Variants in UNC5D observed in about 807,000 individuals in gnomAD.
UNC5D encodes the protein unc-5 netrin receptor D.
UNC5D carries 39 observed loss-of-function variants against 105.4 expected under a neutral mutation model. The observed-to-expected ratio is 0.37, with a 90% CI of 0.29 to 0.48. UNC5D has a LOEUF of 0.48. UNC5D is among the 20% of genes least tolerant of loss of function. The pLI is 0.98. For missense variants in UNC5D, 991 were observed against 1,202.4 expected (o/e 0.82, Z 2.60); for synonymous variants, 452 against 450.4 (o/e 1.00, Z -0.04).
intron 1 of UNC5D, among the ~76,000 whole-genome samples, chr8:35,409,233 C>T (rs960655046): frequency 4.6e-5 from 7 of 151,994 alleles, no homozygotes; most frequent in Admixed American, 1.3e-4. Flanking sequence ...TGTGGACATA[C>T]GTCTTCATTT....
chr8:35,571,874 A>G (rs1817745782), intron 3 of UNC5D, among the ~76,000 whole-genome samples: 1 of 152,212 alleles, frequency 6.6e-6, no homozygotes, highest in Non-Finnish European at 1.5e-5. Flanking sequence ...AATCATCTTG[A>G]GGGGGCTTTG....
intron 4 of UNC5D, among the ~76,000 whole-genome samples, chr8:35,601,466 T>A (rs1171253381): frequency 3.3e-5 from 5 of 152,222 alleles, no homozygotes; most frequent in Non-Finnish European, 5.9e-5. Flanking sequence ...GTATCCTCTT[T>A]GATTTCATTG....
intron 4 of UNC5D, among the ~76,000 whole-genome samples, chr8:35,662,259 T>G (rs924574228): frequency 1.3e-5 from 2 of 151,138 alleles, no homozygotes; most frequent in Non-Finnish European, 2.9e-5. Flanking sequence ...TGATAAGACA[T>G]GGTCTGGCAG....
chr8:35,754,416 T>TA (rs1157476026), intron 13 of UNC5D, among the ~76,000 whole-genome samples: 2 of 152,216 alleles, frequency 1.3e-5, no homozygotes, highest in African/African-American at 4.8e-5. Context: ...CAAAGAATGA[T>TA]AACAGATATG....
At chr8:35,421,396 TG>T (rs1805889104) in intron 1 of UNC5D, among the ~76,000 whole-genome samples, 1 of 152,128 alleles carries the variant, frequency 6.6e-6, no homozygotes, top group African/African-American at 2.4e-5. Flanking sequence ...TTATTAGTAT[TG>T]GGGAATAAAC....
intron 1 of UNC5D, among the ~76,000 whole-genome samples, chr8:35,449,320 G>A (rs1022529733): frequency 6.6e-6 from 1 of 152,014 alleles, no homozygotes; most frequent in Admixed American, 6.6e-5. Context: ...CCCTCACCAT[G>A]AGACCTTTCC....
intron 1 of UNC5D, among the ~76,000 whole-genome samples, chr8:35,267,257 T>C (rs1312442649): frequency 6.6e-6 from 1 of 152,168 alleles, no homozygotes; most frequent in Non-Finnish European, 1.5e-5. Context: ...ACATGAAGTT[T>C]ATCTATTTCT....
chr8:35,558,126 CAAAAAAA>C (rs34368244), intron 2 of UNC5D, among the ~76,000 whole-genome samples: 56 of 84,196 alleles, frequency 6.7e-4, no homozygotes, highest in African/African-American at 1.7e-3. Context: ...AACTTCGTCT[CAAAAAAA>C]AAAAAAAAAA....
chr8:35,641,366 C>CAAAAAAA (rs377021599), intron 4 of UNC5D, among the ~76,000 whole-genome samples: 44 of 44,260 alleles, frequency 9.9e-4, no homozygotes, highest in African/African-American at 1.0e-3. Context: ...AAAAATAAAG[C>CAAAAAAA]AAAAAAAAAA....
intron 4 of UNC5D, among the ~76,000 whole-genome samples, chr8:35,607,907 C>T (rs1040722440): frequency 3.9e-5 from 6 of 152,154 alleles, no homozygotes; most frequent in South Asian, 4.1e-4. Context: ...TACATAGATA[C>T]GTCACTCAGT....
intron 15 of UNC5D, among the ~76,000 whole-genome samples, chr8:35,770,330 A>G (rs1801955049): frequency 1.3e-5 from 2 of 152,212 alleles, no homozygotes; most frequent in South Asian, 2.1e-4. Flanking sequence ...AGTCAATGCA[A>G]TAATCATCCT....
intron 8 of UNC5D, among the ~76,000 whole-genome samples, chr8:35,711,277 T>C (rs1327640977): frequency 6.6e-6 from 1 of 152,060 alleles, no homozygotes; most frequent in African/African-American, 2.4e-5. Context: ...CCTCCCGGGT[T>C]CAAGCGATTC....
chr8:35,646,785 GA>G (rs1259605296), intron 4 of UNC5D, among the ~76,000 whole-genome samples: 2 of 151,952 alleles, frequency 1.3e-5, no homozygotes, highest in Admixed American at 1.3e-4. Flanking sequence ...TGTTTCCAGT[GA>G]AAAAGAGCAG....
At chr8:35,507,223 A>G (rs2579888) in intron 1 of UNC5D, among the ~76,000 whole-genome samples, 1 of 150,484 alleles carries the variant, frequency 6.6e-6, no homozygotes, top group East Asian at 2.0e-4. Flanking sequence ...GCCCGGCTAA[A>G]TTTTTGTATT....
At chr8:35,243,422 G>T (rs1316835606) in intron 1 of UNC5D, among the ~76,000 whole-genome samples, 1 of 152,048 alleles carries the variant, frequency 6.6e-6, no homozygotes, top group African/African-American at 2.4e-5. Flanking sequence ...TGAGCTAATT[G>T]GGGTCTTATA....
chr8:35,768,744 T>G (rs914012831), intron 15 of UNC5D, among the ~76,000 whole-genome samples: 15 of 152,228 alleles, frequency 9.9e-5, no homozygotes, highest in African/African-American at 3.4e-4. Flanking sequence ...CCTTATTGTT[T>G]ACTCCCCAGT....
chr8:35,396,807 CTT>C (rs778664487), intron 1 of UNC5D, among the ~76,000 whole-genome samples: 3 of 122,776 alleles, frequency 2.4e-5, no homozygotes, highest in African/African-American at 3.0e-5. Context: ...CCCAAGGTGG[CTT>C]TTTTTTTTTT....
At chr8:35,555,938 T>G (rs985952999) in intron 2 of UNC5D, among the ~76,000 whole-genome samples, 1 of 143,042 alleles carries the variant, frequency 7.0e-6, no homozygotes, top group African/African-American at 2.6e-5. Context: ...AAAAGAAACC[T>G]GAGGTTAGCC....
At chr8:35,251,833 A>T (rs1406395538) in intron 1 of UNC5D, among the ~76,000 whole-genome samples, 1 of 152,114 alleles carries the variant, frequency 6.6e-6, no homozygotes, top group East Asian at 1.9e-4. Context: ...TGTCTGAAGG[A>T]TGTAGGCCTG....
Sources: gnomAD v4.1 joint callset for allele counts (sites outside exome capture counted in the v4.1 genomes callset) on GRCh38, gnomAD v4.1.1 for gene constraint, MANE v1.5 for transcripts, NCBI Gene and HGNC (gene_info 2026-07-23, HGNC 2026-07-21) for gene names.